The following NCALD variants were observed in gnomAD, a reference collection of about 807,000 sequenced individuals.
The protein encoded by NCALD is neurocalcin-delta.
In NCALD, 10 loss-of-function variants were observed where a neutral mutation model predicts 18.6. The ratio of observed to expected loss-of-function variants is 0.54; its 90% CI spans 0.33 to 0.91. The LOEUF (loss-of-function observed/expected upper bound fraction) is 0.91, where lower values mean the gene tolerates loss of function less well. Ranked by LOEUF, NCALD falls within the 40% of genes least tolerant of loss-of-function variation. NCALD has a pLI of 0.03. For synonymous variants in NCALD, 88 were observed against 87.4 expected, an observed-to-expected ratio of 1.01 and a Z score of -0.04; for missense variants, 184 against 247.6, an observed-to-expected ratio of 0.74 and a Z score of 1.72.
At chr8:101,715,531 C>G (rs1816035444) in intron 2 of NCALD, among the ~76,000 whole-genome samples, 1 of 152,086 alleles carries the variant, frequency 6.6e-6, no homozygotes, top group South Asian at 2.1e-4. Flanking sequence ...AGTGAACAGG[C>G]AACCTATAGA....
chr8:101,795,894 G>A (rs527440911), upstream of NCALD, among the ~76,000 whole-genome samples: 74 of 152,270 alleles, frequency 4.9e-4, no homozygotes, highest in African/African-American at 1.5e-3. Context: ...AATCTGTACC[G>A]TTTTCCCCTT....
intron 4 of NCALD, chr8:101,872,211 C>T: frequency 6.6e-7 from 1 of 1,525,062 alleles, no homozygotes; most frequent in East Asian, 2.3e-5. Flanking sequence ...AGATGACCCA[C>T]AAGCCCTCAC....
intron 3 of NCALD, among the ~76,000 whole-genome samples, chr8:101,888,103 C>T (rs978065646): frequency 1.3e-5 from 2 of 152,142 alleles, no homozygotes; most frequent in Non-Finnish European, 2.9e-5. Context: ...TTTGGGGTCT[C>T]ATATATCAAA....
intron 2 of NCALD, among the ~76,000 whole-genome samples, chr8:101,918,740 C>CCACACACACACACACACA: frequency 7.1e-6 from 1 of 140,658 alleles, no homozygotes; most frequent in East Asian, 2.2e-4. Flanking sequence ...TTTACAATAG[C>CCACACACACACACACACA]CACACACACA....
chr8:101,746,023 T>A (rs1000805249), intron 1 of NCALD: 6 of 152,196 alleles, frequency 3.9e-5, no homozygotes, highest in Non-Finnish European at 2.9e-5. Flanking sequence ...TGTGTAATAG[T>A]GTACAGTTTT....
intron 3 of NCALD, among the ~76,000 whole-genome samples, chr8:101,909,882 C>A (rs1347502797): frequency 6.6e-6 from 1 of 152,002 alleles, no homozygotes; most frequent in African/African-American, 2.4e-5. Context: ...CAGGGTAGAC[C>A]CATAGCAAGC....
At chr8:101,869,211 A>G (rs1815902848) in intron 4 of NCALD, among the ~76,000 whole-genome samples, 1 of 152,228 alleles carries the variant, frequency 6.6e-6, no homozygotes, top group Non-Finnish European at 1.5e-5. Context: ...TAAGTTAAGG[A>G]TCTCAGGATG....
chr8:101,868,832 C>T (rs1815886526), intron 4 of NCALD, among the ~76,000 whole-genome samples: 1 of 152,248 alleles, frequency 6.6e-6, no homozygotes, highest in African/African-American at 2.4e-5. Flanking sequence ...CCCGCTCCCA[C>T]TCTGTGGAGT....
chr8:101,962,388 C>A (rs1259430393), intron 2 of NCALD, among the ~76,000 whole-genome samples: 1 of 152,192 alleles, frequency 6.6e-6, no homozygotes, highest in Non-Finnish European at 1.5e-5. Flanking sequence ...ATTCAGCTTG[C>A]TTTCATTTCT....
intron 4 of NCALD, among the ~76,000 whole-genome samples, chr8:101,855,962 A>C (rs1258064729): frequency 6.6e-6 from 1 of 152,144 alleles, no homozygotes; most frequent in East Asian, 1.9e-4. Flanking sequence ...TATCCTCATG[A>C]ACACTCATAC....
At chr8:101,985,226 AC>A (rs1316962093) in intron 2 of NCALD, among the ~76,000 whole-genome samples, 1 of 151,772 alleles carries the variant, frequency 6.6e-6, no homozygotes, top group Non-Finnish European at 1.5e-5. Flanking sequence ...CTGATGACCC[AC>A]CCCCAGCCCA....
At chr8:102,101,769 T>G (rs555441310) in intron 1 of NCALD, among the ~76,000 whole-genome samples, 46 of 152,318 alleles carry the variant, frequency 3.0e-4, no homozygotes, top group Admixed American at 6.5e-4. Flanking sequence ...AAGGGTAGAA[T>G]AATAAAGATG....
intron 1 of NCALD, among the ~76,000 whole-genome samples, chr8:101,767,827 A>G (rs1180581793): frequency 6.6e-6 from 1 of 152,220 alleles, no homozygotes; most frequent in Non-Finnish European, 1.5e-5. Context: ...GGCCTGACCC[A>G]CAGCTTTCTC....
intron 2 of NCALD, among the ~76,000 whole-genome samples, chr8:101,938,824 T>C (rs1341143862): frequency 6.6e-6 from 1 of 152,232 alleles, no homozygotes; most frequent in Non-Finnish European, 1.5e-5. Context: ...CCCTGATAAT[T>C]GCAAAGTGAT....
At chr8:101,768,723 C>CA (rs71268528) in intron 1 of NCALD, among the ~76,000 whole-genome samples, 96,096 of 136,770 alleles carry the variant, frequency 0.7, 32,713 homozygotes, top group Non-Finnish European at 0.76. Flanking sequence ...AACAAAAAAA[C>CA]AAAAAAAAAA....
chr8:102,091,066 A>G (rs1305621698), intron 1 of NCALD, among the ~76,000 whole-genome samples: 3 of 152,210 alleles, frequency 2.0e-5, no homozygotes, highest in African/African-American at 7.2e-5. Flanking sequence ...CCTCAAGAGA[A>G]GAGGAGTTTA....
chr8:102,053,921 C>T (rs141932555), intron 1 of NCALD, among the ~76,000 whole-genome samples: 1 of 152,186 alleles, frequency 6.6e-6, no homozygotes, highest in Admixed American at 6.5e-5. Flanking sequence ...GTGATTCTTA[C>T]ACAGTTTGAA....
chr8:102,075,435 T>C (rs1005888577), intron 1 of NCALD, among the ~76,000 whole-genome samples: 6 of 152,136 alleles, frequency 3.9e-5, no homozygotes, highest in African/African-American at 1.2e-4. Flanking sequence ...AGGCAGAGGA[T>C]TGTCTAATAC....
At chr8:101,893,183 G>A (rs911355479) in intron 3 of NCALD, among the ~76,000 whole-genome samples, 8 of 151,868 alleles carry the variant, frequency 5.3e-5, no homozygotes, top group Non-Finnish European at 7.4e-5. Flanking sequence ...AACCCTACAA[G>A]CCAGAAGAGA....
Sources: gnomAD v4.1 joint callset for allele counts (sites outside exome capture counted in the v4.1 genomes callset) on GRCh38, gnomAD v4.1.1 for gene constraint, MANE v1.5 for transcripts, NCBI Gene and HGNC (gene_info 2026-07-23, HGNC 2026-07-21) for gene names.